Variants in TNRC6B observed in about 807,000 individuals in gnomAD.
TNRC6B encodes trinucleotide repeat containing adaptor 6B, also known as trinucleotide repeat-containing gene 6B protein.
In TNRC6B, 52 loss-of-function variants were observed where a neutral mutation model predicts 203.6. The observed-to-expected ratio is 0.26, with a 90% CI of 0.20 to 0.32. TNRC6B has a LOEUF of 0.32. Among genes scored for constraint, TNRC6B ranks in the 10% least tolerant of loss-of-function variants. TNRC6B has a pLI of 1.00. For missense variants in TNRC6B, 1,923 were observed against 2,286.2 expected (o/e 0.84, Z 3.24); for synonymous variants, 838 against 845.7 (o/e 0.99, Z 0.16).
chr22:40,220,729 AC>A (rs2069696725), intron 1 of TNRC6B, among the ~76,000 whole-genome samples: 1 of 151,932 alleles, frequency 6.6e-6, no homozygotes, highest in African/African-American at 2.4e-5. Flanking sequence ...AACTATAGAA[AC>A]CCCGAGTTGG....
At position 40,088,562 on chromosome 22, in the gene TNRC6B, C is replaced by T. The variant is rs1254472795; in HGVS notation, c.-120-28493C>T. Among the ~76,000 whole-genome samples, 6 of 149,518 alleles carry T rather than the reference C, an allele frequency of 4.0e-5. No individual in the cohort carries two copies. The East Asian group carries it at 1.2e-3, about 29-fold the overall frequency. Reference sequence around the variant, plus strand: ...GAGTAGCTGGGATTATAGGCACCTGCCACCATGCCCGGCGGCTACTTTTGT... The same window carrying T: ...GAGTAGCTGGGATTATAGGCACCTGTCACCATGCCCGGCGGCTACTTTTGT... On this transcript the variant is annotated intron_variant, in intron 1 of 23. Transcript: ENST00000301923.
intron 3 of TNRC6B, chr22:40,253,459 C>G (rs1250872626): frequency 2.3e-6 from 1 of 434,258 alleles, no homozygotes; most frequent in East Asian, 7.0e-5. Context: ...CTCTTCTTTC[C>G]TCTACCAGTC....
chr22:40,262,908 C>T (rs964753808), intron 4 of TNRC6B, among the ~76,000 whole-genome samples: 2 of 151,896 alleles, frequency 1.3e-5, no homozygotes, highest in Non-Finnish European at 2.9e-5. Context: ...GGCATGGTGG[C>T]GGGCTCCTGT....
intron 1 of TNRC6B, among the ~76,000 whole-genome samples, chr22:40,047,388 G>A (rs1261738944): frequency 6.6e-6 from 1 of 151,392 alleles, no homozygotes; most frequent in Admixed American, 6.6e-5. Context: ...GATCACTTGA[G>A]GTCAGGAGTT....
chr22:40,180,412 G>C (rs1369868220), intron 1 of TNRC6B, among the ~76,000 whole-genome samples: 1 of 152,222 alleles, frequency 6.6e-6, no homozygotes, highest in Non-Finnish European at 1.5e-5. Context: ...GGTACCTGCT[G>C]TCTTAGGCAG....
intron 16 of TNRC6B, among the ~76,000 whole-genome samples, chr22:40,309,246 CAG>C (rs928274240): frequency 1.3e-5 from 2 of 152,202 alleles, no homozygotes; most frequent in Non-Finnish European, 2.9e-5. Flanking sequence ...TAAAAGGTCT[CAG>C]AACCTTCCTT....
At chr22:40,174,154 C>CTTCTTT (rs1448787789), upstream of TNRC6B, among the ~76,000 whole-genome samples, 1 of 151,318 alleles carries the variant, frequency 6.6e-6, no homozygotes, top group South Asian at 2.1e-4. Flanking sequence ...ATCTTGTTTT[C>CTTCTTT]TTCTTTTTCT....
At chr22:40,176,467 GCCGTCCTTAAAA>G (rs1192394016), upstream of TNRC6B, among the ~76,000 whole-genome samples, 5 of 152,122 alleles carry the variant, frequency 3.3e-5, no homozygotes, top group East Asian at 9.7e-4. Flanking sequence ...CTTTCCTGAA[GCCGTCCTTAAAA>G]CATAGATGAA....
At chr22:40,126,580 A>ATTTTTT (rs955369459) in intron 3 of TNRC6B, among the ~76,000 whole-genome samples, 30 of 88,772 alleles carry the variant, frequency 3.4e-4, no homozygotes, top group African/African-American at 7.4e-4. Context: ...ACGTTATTTA[A>ATTTTTT]TTTTTTTTTT....
At chr22:40,307,090 T>G (rs1209583233) in intron 15 of TNRC6B, among the ~76,000 whole-genome samples, 2 of 146,894 alleles carry the variant, frequency 1.4e-5, no homozygotes, top group Non-Finnish European at 3.0e-5. Context: ...TAAATTCGGT[T>G]ACAGAGTGTG....
chr22:40,273,306 A>G, intron 6 of TNRC6B, 119 bp from the exon 7 acceptor site: 5 of 917,242 alleles, frequency 5.5e-6, no homozygotes, highest in South Asian at 2.0e-5. Context: ...TTGTCTTGCC[A>G]TGGAGATGGA....
rs1455719900 is a variant in TNRC6B, at chr22:40,326,855, G to C, written c.*3614G>C. The C allele has an allele frequency of 6.6e-6, 1 of 152,602 alleles. No homozygotes were observed. The highest frequency in any genetic ancestry group is 6.5e-5 in the Admixed American group (1 of 15,274). The allele number at this position is 152,602 out of a possible 1,614,324, so 9.5% of individuals were successfully genotyped here. ...TCTGTCTTACCTCCGTTTGTTTTGG[G>C]AGGAGGAGAAAATATAGAAGAATCT... On this transcript the variant is annotated 3_prime_UTR_variant, in exon 23 of 23. Transcript: ENST00000454349.
chr22:40,059,613 C>T (rs2067830451), intron 1 of TNRC6B, among the ~76,000 whole-genome samples: 1 of 152,086 alleles, frequency 6.6e-6, no homozygotes, highest in African/African-American at 2.4e-5. Context: ...TATCAGGTTC[C>T]AGAATTTCTC....
At chr22:40,106,335 A>G in intron 1 of TNRC6B, 7 of 1,138,452 alleles carry the variant, frequency 6.1e-6, no homozygotes, top group Non-Finnish European at 9.0e-6. Flanking sequence ...TATTCTTCTA[A>G]TAAGCCTGTT....
intron 1 of TNRC6B, among the ~76,000 whole-genome samples, chr22:40,060,174 A>C (rs1399090768): frequency 1.1e-4 from 16 of 148,430 alleles, no homozygotes; most frequent in Non-Finnish European, 1.2e-4. Flanking sequence ...TAGCAAAAAA[A>C]GTTTTAACAT....
chr22:40,219,740 C>G (rs371534041), intron 1 of TNRC6B, among the ~76,000 whole-genome samples: 7 of 152,300 alleles, frequency 4.6e-5, no homozygotes, highest in African/African-American at 1.7e-4. Flanking sequence ...AAATGTCCCC[C>G]CTTCCCTCAC....
At chr22:40,227,989 G>A (rs1207962682) in intron 1 of TNRC6B, among the ~76,000 whole-genome samples, 1 of 152,164 alleles carries the variant, frequency 6.6e-6, no homozygotes, top group Non-Finnish European at 1.5e-5. Flanking sequence ...TTCTTTCCAA[G>A]GCCATAGCTA....
intron 1 of TNRC6B, among the ~76,000 whole-genome samples, chr22:40,211,596 C>G (rs2069564197): frequency 6.6e-6 from 1 of 152,160 alleles, no homozygotes; most frequent in East Asian, 1.9e-4. Flanking sequence ...CAAAGAGGAT[C>G]TTAGAGGCCT....
At position 40,270,124 on chromosome 22, in the gene TNRC6B, T is replaced by C; in HGVS notation, c.2809T>C (p.Trp937Arg). The change falls in exon 6 of 23, where the codon TGG becomes CGG. Residue 937 changes from tryptophan (W) to arginine (R), a missense_variant and splice_region_variant. Physicochemically the swap from Trp to Arg is moderately radical, Grantham distance 101 (BLOSUM62 -3). Transcript: ENST00000454349. ...AGAGACATTTCCTTTCTTTATAGTC[T>C]GGAGCAAAAGCACACCACCTGCTCC... ...TPMTSKSASV[W>R]SKSTPPAPDN... 1.9e-6 allele frequency: 3 copies of C among 1,583,634 alleles called. No homozygotes were observed. Among genetic ancestry groups the C allele is most frequent in the Non-Finnish European group, 2.6e-6 (3 of 1,163,878 alleles).
Sources: allele counts gnomAD v4.1 joint callset (sites outside exome capture counted in the v4.1 genomes callset), GRCh38; gene constraint gnomAD v4.1.1; transcripts MANE v1.5; gene names NCBI Gene and HGNC (gene_info 2026-07-23, HGNC 2026-07-21).